NCKAP5: variants seen among roughly 807,000 people sequenced by gnomAD.
NCKAP5 encodes nck-associated protein 5.
Under a neutral mutation model 167.0 loss-of-function variants are expected in NCKAP5, and 92 were observed. That is an observed-to-expected ratio of 0.55 (90% confidence interval 0.47 to 0.66). The LOEUF is 0.66. Ranked by LOEUF, NCKAP5 falls within the 30% of genes least tolerant of loss-of-function variation. NCKAP5 has a pLI of 0.00. For synonymous variants in NCKAP5, 891 were observed against 877.4 expected (o/e 1.02, Z -0.27); for missense variants, 2,378 against 2,315.0 (o/e 1.03, Z -0.56).
intron 19 of NCKAP5, chr2:132,714,917 T>G (rs965153058): frequency 2.2e-6 from 1 of 455,374 alleles, no homozygotes; most frequent in Non-Finnish European, 4.4e-6. Flanking sequence ...AAAGGGCTCA[T>G]GGCTTTGGGT....
chr2:132,676,222 T>C (rs992323941), intron 19 of NCKAP5, among the ~76,000 whole-genome samples: 8 of 151,658 alleles, frequency 5.3e-5, no homozygotes, highest in African/African-American at 1.7e-4. Flanking sequence ...ATACCCAGTA[T>C]GTATACCGAA....
chr2:133,590,926 T>A, the NCKAP5 span, among the ~76,000 whole-genome samples: 3 of 150,944 alleles, frequency 2.0e-5, no homozygotes, highest in African/African-American at 4.9e-5. Flanking sequence ...CATGTGTGTG[T>A]GAGAGAGAGA....
Position 132,781,188 on chromosome 2 carries a change from C to T in NCKAP5, c.4913G>A (p.Ser1638Asn), listed in dbSNP as rs1435569129. ...TAACACATTCCTGCAGGAAGCATTACTTGATCCACTTTCTGTCTGTGGAGC... is the reference window on the plus strand; with the variant it reads ...TAACACATTCCTGCAGGAAGCATTATTTGATCCACTTTCTGTCTGTGGAGC... ...KAAPQTESGS[S>N]NASCRNVLKG... is the part of the protein sequence containing the mutation. The change falls in exon 15 of 20, where the codon AGT (serine) becomes AAT (asparagine). Residue 1638 changes from serine to asparagine, a missense_variant. Ser to Asn is a conservative substitution (Grantham distance 46). Coordinates refer to ENST00000409261, the MANE Select transcript of NCKAP5 (RefSeq NM_207363.3). The T allele has an allele frequency of 6.2e-7, 1 of 1,613,940 alleles. No homozygotes were observed. Among genetic ancestry groups the T allele is most frequent in the Non-Finnish European group, 8.5e-7 (1 of 1,179,858 alleles).
At position 132,672,830 on chromosome 2, in the gene NCKAP5, A is replaced by G. The variant is rs774679684; in HGVS notation, c.*459T>C. 1.1e-4 allele frequency: 41 copies of G among 384,134 alleles called. No individual in the cohort carries two copies. The highest frequency in any genetic ancestry group is 1.4e-4 in the Non-Finnish European group (38 of 280,130). The allele number at this position is 384,134 out of a possible 1,614,324, so 23.8% of individuals were successfully genotyped here. Reference sequence around the variant, plus strand: ...TGTTTACGCTTAATCCTCTTGAAACACAATAAATGGAGTCTATCTTTATTG... The same window carrying G: ...TGTTTACGCTTAATCCTCTTGAAACGCAATAAATGGAGTCTATCTTTATTG... On this transcript the variant is annotated 3_prime_UTR_variant, in exon 20 of 20. Transcript: ENST00000409261.
intron 3 of NCKAP5, among the ~76,000 whole-genome samples, chr2:133,404,232 T>A (rs1184691884): frequency 6.6e-6 from 1 of 152,232 alleles, no homozygotes; most frequent in Non-Finnish European, 1.5e-5. Flanking sequence ...TGTTGAACTG[T>A]TGAAATACAG....
At chr2:132,946,893 G>A (rs1697788583) in intron 8 of NCKAP5, among the ~76,000 whole-genome samples, 1 of 152,134 alleles carries the variant, frequency 6.6e-6, no homozygotes, top group Admixed American at 6.5e-5. Context: ...GCTAGACCTT[G>A]TCTCAAAATA....
At chr2:133,260,752 A>G (rs1213565456) in intron 4 of NCKAP5, among the ~76,000 whole-genome samples, 1 of 152,238 alleles carries the variant, frequency 6.6e-6, no homozygotes, top group African/African-American at 2.4e-5. Flanking sequence ...GACTAAGAGG[A>G]AAAACAAAAG....
chr2:133,360,108 C>G (rs1032348419), intron 3 of NCKAP5, among the ~76,000 whole-genome samples: 1 of 152,266 alleles, frequency 6.6e-6, no homozygotes, highest in African/African-American at 2.4e-5. Flanking sequence ...TGAGACAATG[C>G]ACATGAATCT....
chr2:133,338,676 C>T (rs1161014912), intron 3 of NCKAP5, among the ~76,000 whole-genome samples: 1 of 152,088 alleles, frequency 6.6e-6, no homozygotes, highest in Non-Finnish European at 1.5e-5. Flanking sequence ...TTTTCTCTTT[C>T]CAAGAGAATG....
chr2:133,619,540 AAG>A, the NCKAP5 span, among the ~76,000 whole-genome samples: 2 of 152,022 alleles, frequency 1.3e-5, no homozygotes, highest in East Asian at 3.9e-4. Flanking sequence ...AACAAAGACA[AAG>A]AAAAAAGAAT....
rs1222754947 is a variant in NCKAP5, at chr2:132,782,553, C to T, written c.4258G>A (p.Asp1420Asn). 6.3e-7 allele frequency: 1 copy of T among 1,588,144 alleles called. No individual in the cohort carries two copies. Among genetic ancestry groups the T allele is most frequent in the Non-Finnish European group, 8.6e-7 (1 of 1,167,562 alleles). The change falls in exon 14 of 20, where the codon GAC (aspartate) becomes AAC (asparagine). Residue 1420 changes from aspartate to asparagine, a missense_variant. This residue lies in a region of NCKAP5 where 1,325 missense variants were observed against 1,274.5 expected (regional missense o/e 1.04). Transcript: ENST00000409261. ...DRRSCPPTPTDCPEALQSPGR... is the reference protein window; with the variant it reads ...DRRSCPPTPTNCPEALQSPGR... ...GGGCTCTGCAGGGCTTCAGGGCAGT[C>T]TGTTGGGGTGGGTGGGCAACTGCGG...
intron 5 of NCKAP5, among the ~76,000 whole-genome samples, chr2:133,141,700 A>G (rs374066335): frequency 6.6e-6 from 1 of 152,322 alleles, no homozygotes; most frequent in African/African-American, 2.4e-5. Context: ...GAATGCCTTC[A>G]CACTTCCCGT....
At chr2:132,975,980 A>G (rs991863202) in intron 7 of NCKAP5, among the ~76,000 whole-genome samples, 7 of 152,168 alleles carry the variant, frequency 4.6e-5, no homozygotes, top group African/African-American at 1.7e-4. Context: ...ATTGCTGTCT[A>G]TTGTACTCAC....
At chr2:133,654,456 A>G in the NCKAP5 span, among the ~76,000 whole-genome samples, 2 of 152,224 alleles carry the variant, frequency 1.3e-5, no homozygotes, top group African/African-American at 2.4e-5. Context: ...TGACATAAAT[A>G]GAAGTTCCTA....
chr2:132,994,060 T>C (rs906296656), intron 7 of NCKAP5, 92 bp downstream of exon 7: 1 of 907,090 alleles, frequency 1.1e-6, no homozygotes, highest in Non-Finnish European at 1.6e-6. Flanking sequence ...ACACACCTTT[T>C]ATTTATCTCT....
chr2:132,770,621 A>T (rs1448245577), intron 16 of NCKAP5, among the ~76,000 whole-genome samples: 1 of 152,110 alleles, frequency 6.6e-6, no homozygotes, highest in East Asian at 1.9e-4. Flanking sequence ...TATCAAAAAC[A>T]TGGTTCAAAT....
intron 8 of NCKAP5, among the ~76,000 whole-genome samples, chr2:132,913,290 T>TAAAC (rs1553476820): frequency 6.6e-6 from 1 of 152,074 alleles, no homozygotes; most frequent in Non-Finnish European, 1.5e-5. Flanking sequence ...ATAAATAACA[T>TAAAC]AAACACAGAT....
chr2:132,808,135 A>G (rs1229869815), intron 11 of NCKAP5, among the ~76,000 whole-genome samples: 2 of 152,052 alleles, frequency 1.3e-5, no homozygotes, highest in South Asian at 2.1e-4. Flanking sequence ...TATCTTTTCT[A>G]TATGTTGTTG....
chr2:132,946,304 G>C (rs1440537890), intron 8 of NCKAP5, among the ~76,000 whole-genome samples: 3 of 152,054 alleles, frequency 2.0e-5, no homozygotes, highest in Non-Finnish European at 4.4e-5. Context: ...ACCTTCTAAG[G>C]CACCCAGAGG....
Sources: gnomAD v4.1 joint callset for allele counts (sites outside exome capture counted in the v4.1 genomes callset) on GRCh38, gnomAD v4.1.1 for gene constraint, gnomAD v4.1.1 regional missense constraint, MANE v1.5 for transcripts, NCBI Gene and HGNC (gene_info 2026-07-23, HGNC 2026-07-21) for gene names.